Variants in PKP4 observed in about 807,000 individuals in gnomAD.
PKP4 encodes the protein plakophilin-4.
In PKP4, 90 loss-of-function variants were observed where a neutral mutation model predicts 145.1. That is an observed-to-expected ratio of 0.62 (90% CI 0.52 to 0.74). The LOEUF (loss-of-function observed/expected upper bound fraction) is 0.74, where lower values mean the gene tolerates loss of function less well. Among genes scored for constraint, PKP4 ranks in the 30% least tolerant of loss-of-function variants. The pLI is 0.00. For missense variants in PKP4, 1,340 were observed against 1,482.7 expected, an observed-to-expected ratio of 0.90 and a Z score of 1.58; for synonymous variants, 563 against 577.2, an observed-to-expected ratio of 0.98 and a Z score of 0.35.
chr2:158,607,375 C>T (rs1033610844), intron 4 of PKP4, among the ~76,000 whole-genome samples: 4 of 152,088 alleles, frequency 2.6e-5, no homozygotes, highest in African/African-American at 7.2e-5. Flanking sequence ...AGAACCCATG[C>T]CAGGTAGTTC....
intron 12 of PKP4, chr2:158,660,396 G>C (rs544218225): frequency 6.5e-6 from 1 of 152,780 alleles, no homozygotes; most frequent in East Asian, 1.9e-4. Flanking sequence ...CAGGACCTGG[G>C]GCACTCCTGG....
rs531462961 is a variant in PKP4 at position 158,518,164 on chromosome 2, T to C, written c.-5-15016T>C. 2.6e-5 allele frequency among the ~76,000 whole-genome samples: 4 copies of C among 152,262 alleles called. No homozygotes were observed. In the South Asian group the frequency reaches 8.3e-4, roughly 32 times the overall value. On this transcript the variant is annotated intron_variant, in intron 1 of 21. Transcript: ENST00000389759. ...CAGGTGCCTGGAGTCAGCTGGTGAC[T>C]AGGTCAGGGCAAGACTAAGAAGGCC...
At chr2:158,628,570 A>G (rs1224935318) in intron 7 of PKP4, among the ~76,000 whole-genome samples, 1 of 152,222 alleles carries the variant, frequency 6.6e-6, no homozygotes, top group Non-Finnish European at 1.5e-5. Context: ...ATTTCCCATT[A>G]TAGCCTATCA....
intron 7 of PKP4, among the ~76,000 whole-genome samples, chr2:158,629,308 T>C (rs2053131077): frequency 6.6e-6 from 1 of 152,166 alleles, no homozygotes; most frequent in Non-Finnish European, 1.5e-5. Flanking sequence ...GGGATAGCTG[T>C]GTCCAGTATT....
intron 1 of PKP4, among the ~76,000 whole-genome samples, chr2:158,473,644 G>T (rs1573977869): frequency 6.6e-6 from 1 of 151,910 alleles, no homozygotes; most frequent in East Asian, 1.9e-4. Context: ...CAACCCTTGG[G>T]TCTACTTGAG....
At chr2:158,507,290 T>G (rs546203749) in intron 1 of PKP4, among the ~76,000 whole-genome samples, 1 of 152,230 alleles carries the variant, frequency 6.6e-6, no homozygotes, top group African/African-American at 2.4e-5. Context: ...GACTCACCAC[T>G]GTGAAGGTAT....
chr2:158,653,921 C>A (rs1049454863), intron 11 of PKP4, among the ~76,000 whole-genome samples: 1 of 152,124 alleles, frequency 6.6e-6, no homozygotes, highest in African/African-American at 2.4e-5. Context: ...TAAATGAAGC[C>A]CTAGACAAAG....
intron 1 of PKP4, among the ~76,000 whole-genome samples, chr2:158,507,980 G>C (rs1039524427): frequency 6.6e-6 from 1 of 152,084 alleles, no homozygotes; most frequent in Non-Finnish European, 1.5e-5. Flanking sequence ...GGTGGCTGCT[G>C]CCTTTCTCCT....
chr2:158,511,936 T>TA, intron 1 of PKP4, among the ~76,000 whole-genome samples: 1 of 152,178 alleles, frequency 6.6e-6, no homozygotes. Context: ...ATGGGTAGTA[T>TA]TAAAGCCAGC....
intron 3 of PKP4, among the ~76,000 whole-genome samples, chr2:158,580,107 G>A (rs1316672570): frequency 6.6e-6 from 1 of 152,212 alleles, no homozygotes; most frequent in East Asian, 1.9e-4. Context: ...ACTGTTAAAT[G>A]AGGGAGTGGT....
intron 3 of PKP4, among the ~76,000 whole-genome samples, chr2:158,597,384 C>A (rs2049845198): frequency 6.6e-6 from 1 of 152,160 alleles, no homozygotes; most frequent in Non-Finnish European, 1.5e-5. Context: ...AATGCCAGTT[C>A]CTGGTTAGAT....
chr2:158,587,325 A>G (rs2048886044), intron 3 of PKP4, among the ~76,000 whole-genome samples: 1 of 151,990 alleles, frequency 6.6e-6, no homozygotes, highest in Non-Finnish European at 1.5e-5. Flanking sequence ...ACAGTATTTC[A>G]TTTTCTGTAA....
At chr2:158,576,607 A>G (rs1018324287) in intron 2 of PKP4, among the ~76,000 whole-genome samples, 3 of 152,248 alleles carry the variant, frequency 2.0e-5, no homozygotes, top group Non-Finnish European at 2.9e-5. Context: ...ATTCAAGAAT[A>G]TAATTTCTGT....
At chr2:158,602,620 A>C (rs909616125) in intron 3 of PKP4, among the ~76,000 whole-genome samples, 1 of 152,244 alleles carries the variant, frequency 6.6e-6, no homozygotes, top group South Asian at 2.1e-4. Context: ...TTTAAATTTT[A>C]TAAGGCAATA....
chr2:158,571,439 T>C (rs1038372769), intron 2 of PKP4, among the ~76,000 whole-genome samples: 60 of 152,292 alleles, frequency 3.9e-4, no homozygotes, highest in African/African-American at 1.4e-3. Context: ...TGCTAATAAT[T>C]AGAGGTAGTA....
intron 2 of PKP4, among the ~76,000 whole-genome samples, chr2:158,552,916 CAG>C (rs2045756008): frequency 6.6e-6 from 1 of 152,120 alleles, no homozygotes; most frequent in Non-Finnish European, 1.5e-5. Flanking sequence ...TTGCTCAACT[CAG>C]GGTTTCCACA....
intron 1 of PKP4, among the ~76,000 whole-genome samples, chr2:158,477,060 ATT>A (rs147463514): frequency 2.0e-5 from 3 of 149,964 alleles, no homozygotes; most frequent in African/African-American, 4.9e-5. Flanking sequence ...AAATTGGACA[ATT>A]TTTTTTTTGC....
rs575297364 is a variant in PKP4 at position 158,521,593 on chromosome 2, T to C, written c.-5-11587T>C. On this transcript the variant is annotated intron_variant, in intron 1 of 21. Transcript: ENST00000389759. ...AGTATGCAACTACCTCTAATCCTCC[T>C]AAAGAGTTGCAGCTTTTGGTTATGT... 2.3e-3 allele frequency among the ~76,000 whole-genome samples: 351 copies of C among 152,290 alleles called. 2 individuals carry two copies. The highest frequency in any genetic ancestry group is 8.2e-3 in the African/African-American group (341 of 41,564).
At chr2:158,570,220 T>G (rs796553097) in intron 2 of PKP4, among the ~76,000 whole-genome samples, 9 of 152,306 alleles carry the variant, frequency 5.9e-5, no homozygotes, top group African/African-American at 2.2e-4. Context: ...CTACTTTGGT[T>G]TTTGCACCAG....
Sources: gnomAD v4.1 joint callset for allele counts (sites outside exome capture counted in the v4.1 genomes callset) on GRCh38, gnomAD v4.1.1 for gene constraint, MANE v1.5 for transcripts, NCBI Gene and HGNC (gene_info 2026-07-23, HGNC 2026-07-21) for gene names.